GARIN1A: variants seen among roughly 807,000 people sequenced by gnomAD.
GARIN1A encodes the protein golgi associated RAB2 interactor 1A.
chr7:128,694,794 A>C, the GARIN1A span, among the ~76,000 whole-genome samples: 1 of 152,176 alleles, frequency 6.6e-6, no homozygotes. Context: ...AATGAAGACT[A>C]AATATATTTT....
At chr7:128,707,723 G>T in the GARIN1A span, among the ~76,000 whole-genome samples, 11 of 152,134 alleles carry the variant, frequency 7.2e-5, no homozygotes, top group Non-Finnish European at 1.6e-4. Flanking sequence ...AAAGTACTGG[G>T]ATTACAGATG....
chr7:128,681,380 T>G, the GARIN1A span, among the ~76,000 whole-genome samples: 3 of 152,064 alleles, frequency 2.0e-5, no homozygotes, highest in Non-Finnish European at 4.4e-5. Flanking sequence ...TTAGGAGCTT[T>G]CTTTCTTTTT....
At chr7:128,681,751 C>A in the GARIN1A span, among the ~76,000 whole-genome samples, 1 of 151,988 alleles carries the variant, frequency 6.6e-6, no homozygotes, top group Non-Finnish European at 1.5e-5. Context: ...AGTCCTCCTA[C>A]CTTGACCTCC....
chr7:128,672,303 G>T, the GARIN1A span: 4 of 1,061,166 alleles, frequency 3.8e-6, no homozygotes, highest in Non-Finnish European at 5.4e-6. Context: ...GGAAATGCTG[G>T]GGAGGTGGGG....
At chr7:128,695,907 T>G in the GARIN1A span, among the ~76,000 whole-genome samples, 1 of 152,234 alleles carries the variant, frequency 6.6e-6, no homozygotes, top group East Asian at 1.9e-4. The surrounding 1 kb of genome is among the most constrained non-coding windows in gnomAD (Gnocchi z 4.5). Flanking sequence ...TACTACACAT[T>G]GTGCAAAATA....
chr7:128,677,755 G>T, the GARIN1A span: 1 of 1,613,838 alleles, frequency 6.2e-7, no homozygotes, highest in Non-Finnish European at 8.5e-7. Flanking sequence ...AAAGACCCGA[G>T]AATCAAATTC....
the GARIN1A span, among the ~76,000 whole-genome samples, chr7:128,706,234 G>A: frequency 6.6e-6 from 1 of 152,068 alleles, no homozygotes; most frequent in Non-Finnish European, 1.5e-5. Flanking sequence ...CAAACAAGAG[G>A]CCCTACTCTT....
the GARIN1A span, among the ~76,000 whole-genome samples, chr7:128,688,665 G>A: frequency 6.3e-4 from 96 of 152,072 alleles, no homozygotes; most frequent in African/African-American, 2.2e-3. Flanking sequence ...GGCAAGAGCT[G>A]TAAAGAGGCA....
At chr7:128,676,652 A>G in the GARIN1A span, among the ~76,000 whole-genome samples, 4 of 152,124 alleles carry the variant, frequency 2.6e-5, no homozygotes, top group Admixed American at 2.0e-4. Context: ...ACAAAAGTCA[A>G]ACACGACTAT....
chr7:128,685,904 C>A, the GARIN1A span: 2 of 152,176 alleles, frequency 1.3e-5, no homozygotes, highest in Non-Finnish European at 2.9e-5. Flanking sequence ...TCAGCCCTCA[C>A]CTAGACTATT....
the GARIN1A span, among the ~76,000 whole-genome samples, chr7:128,682,749 G>T: frequency 1.2e-4 from 19 of 152,190 alleles, no homozygotes; most frequent in Middle Eastern, 3.4e-3. Context: ...GCTAATTTTT[G>T]TATTTTTAGT....
the GARIN1A span, among the ~76,000 whole-genome samples, chr7:128,688,625 A>AT: frequency 1.3e-4 from 20 of 152,158 alleles, no homozygotes; most frequent in Admixed American, 2.6e-4. Flanking sequence ...GGTTTTGCAC[A>AT]TGTAGAGTTG....
the GARIN1A span, among the ~76,000 whole-genome samples, chr7:128,681,945 T>C: frequency 7.3e-6 from 1 of 137,736 alleles, no homozygotes; most frequent in African/African-American, 2.7e-5. Flanking sequence ...GCACTAGCTA[T>C]CCCCTTTAAG....
chr7:128,692,864 GAAAAC>G, the GARIN1A span, among the ~76,000 whole-genome samples: 1 of 152,176 alleles, frequency 6.6e-6, no homozygotes, highest in Non-Finnish European at 1.5e-5. Context: ...TCAATTTAGA[GAAAAC>G]AAAACACAAG....
chr7:128,684,921 T>G, the GARIN1A span: 4 of 146,408 alleles, frequency 2.7e-5, no homozygotes, highest in African/African-American at 7.5e-5. Flanking sequence ...TTTTTTTTTT[T>G]GAGACAGTCT....
chr7:128,694,566 C>G, the GARIN1A span, among the ~76,000 whole-genome samples: 2 of 151,506 alleles, frequency 1.3e-5, no homozygotes, highest in African/African-American at 2.4e-5. Flanking sequence ...AGAAAAAAAC[C>G]AGCACATGGA....
At chr7:128,677,955 G>C in the GARIN1A span, 2 of 562,032 alleles carry the variant, frequency 3.6e-6, no homozygotes, top group Non-Finnish European at 2.9e-6. Context: ...CTATTCAGTA[G>C]TATGAATGAA....
At chr7:128,678,542 G>A in the GARIN1A span, among the ~76,000 whole-genome samples, 17 of 152,074 alleles carry the variant, frequency 1.1e-4, no homozygotes, top group Admixed American at 6.5e-5. Flanking sequence ...AGTGGCTCAC[G>A]CCTGTAATCC....
chr7:128,677,888 T>C, the GARIN1A span: 6 of 1,253,988 alleles, frequency 4.8e-6, no homozygotes, highest in Non-Finnish European at 6.6e-6. Context: ...TGTGTATATA[T>C]ATAGACTTGT....
Sources: allele counts gnomAD v4.1 joint callset (sites outside exome capture counted in the v4.1 genomes callset), GRCh38; gene constraint gnomAD v4.1.1; non-coding constraint Gnocchi (gnomAD v3.1); transcripts MANE v1.5; gene names NCBI Gene and HGNC (gene_info 2026-07-23, HGNC 2026-07-21).